OLA1: variants seen among roughly 807,000 people sequenced by gnomAD.
The protein encoded by OLA1 is Obg like ATPase 1.
Under a neutral mutation model 48.4 loss-of-function variants are expected in OLA1, and 14 were observed. That is an observed-to-expected ratio of 0.29 (90% CI 0.19 to 0.45). The LOEUF (loss-of-function observed/expected upper bound fraction) is 0.45. Among genes scored for constraint, OLA1 ranks in the 20% least tolerant of loss-of-function variants. OLA1 has a pLI of 1.00. For synonymous variants in OLA1, 127 were observed against 150.4 expected (o/e 0.84, Z 1.14); for missense variants, 325 against 467.1 (o/e 0.70, Z 2.80).
Position 174,075,393 on chromosome 2 carries a change from A to G in OLA1, c.*33T>C, listed in dbSNP as rs756416702. The stretch of plus-strand genomic sequence containing the variant: ...TTTTTAAAAATCAGATGCCTTTTGG[A>G]AGTTGTATGTTTATCTGAGCAATAA... On this transcript the variant is annotated 3_prime_UTR_variant, in exon 11 of 11. Coordinates refer to ENST00000284719, the MANE Select transcript of OLA1 (RefSeq NM_013341.5). The G allele has an allele frequency of 3.1e-6, 4 of 1,292,588 alleles. No homozygotes were observed. The highest frequency in any genetic ancestry group is 4.4e-6 in the Non-Finnish European group (4 of 903,448). The allele number at this position is 1,292,588 out of a possible 1,614,324, so 80.1% of individuals were successfully genotyped here.
chr2:174,241,266 G>A (rs1309782061), intron 2 of OLA1, among the ~76,000 whole-genome samples: 1 of 152,146 alleles, frequency 6.6e-6, no homozygotes, highest in Non-Finnish European at 1.5e-5. Context: ...CAATGAGACT[G>A]GCAGAAGACC....
In OLA1 at chr2:174,104,352, C is replaced by T. The variant is rs115901316; in HGVS notation, c.728+18828G>A. Among the ~76,000 whole-genome samples the T allele has an allele frequency of 7.6e-3, 1,159 of 152,126 alleles. 17 individuals carry two copies. The highest frequency in any genetic ancestry group is 0.026 in the African/African-American group (1,096 of 41,546). ...CCAAAGAAAGTATAAATGGTAGGCA[C>T]TGCTTAAAATAACATTAAACTTTTC... is the stretch of plus-strand genomic sequence containing the variant. On this transcript the variant is annotated intron_variant, in intron 7 of 10. Coordinates refer to ENST00000284719, the MANE Select transcript of OLA1 (RefSeq NM_013341.5).
intron 4 of OLA1, among the ~76,000 whole-genome samples, chr2:174,200,449 G>A (rs76580470): frequency 6.6e-6 from 1 of 152,036 alleles, no homozygotes; most frequent in Admixed American, 6.5e-5. Context: ...TTGGACACTT[G>A]GCTATTTCCA....
At chr2:174,247,601 T>C in intron 1 of OLA1, 1 of 1,546,278 alleles carries the variant, frequency 6.5e-7, no homozygotes, top group Non-Finnish European at 8.7e-7. Context: ...AAACCATTCC[T>C]CTATAATCTG....
At chr2:174,088,997 T>C (rs937429853) in intron 7 of OLA1, among the ~76,000 whole-genome samples, 1 of 152,228 alleles carries the variant, frequency 6.6e-6, no homozygotes, top group Non-Finnish European at 1.5e-5. Context: ...AATAACATAA[T>C]TGCAACTTTG....
chr2:174,129,444 C>T lies in OLA1; in HGVS notation c.550-5769G>A, dbSNP rs535674276. 6.1e-5 allele frequency among the ~76,000 whole-genome samples: 9 copies of T among 147,202 alleles called. 1 individual carries two copies. The highest frequency in any genetic ancestry group is 2.0e-4 in the East Asian group (1 of 4,992). ...CTGCACTCCAGCCTGGGCAACACAG[C>T]GAGACTCCGTCTCAATAAATAAATA... is the stretch of plus-strand genomic sequence containing the variant. On this transcript the variant is annotated intron_variant, in intron 5 of 10. Transcript: ENST00000284719.
chr2:174,152,663 G>A (rs1209518740), intron 4 of OLA1, among the ~76,000 whole-genome samples: 1 of 152,122 alleles, frequency 6.6e-6, no homozygotes, highest in South Asian at 2.1e-4. Flanking sequence ...AAAATATTTT[G>A]TAAATATATA....
At chr2:174,109,513 G>C (rs1685597070) in intron 7 of OLA1, among the ~76,000 whole-genome samples, 1 of 152,146 alleles carries the variant, frequency 6.6e-6, no homozygotes, top group Non-Finnish European at 1.5e-5. Context: ...ATGTATTCCA[G>C]TAACACTTAA....
chr2:174,100,100 A>C (rs560126330), intron 7 of OLA1, among the ~76,000 whole-genome samples: 2 of 152,366 alleles, frequency 1.3e-5, no homozygotes, highest in South Asian at 4.1e-4. Context: ...AAATAACCAA[A>C]GCAAGAAACA....
At position 174,075,506 on chromosome 2, in the gene OLA1, G is replaced by C. The variant is rs754699962; in HGVS notation, c.1111C>G (p.Gln371Glu). 4 of 1,609,926 alleles carry C rather than the reference G, an allele frequency of 2.5e-6. No homozygotes were observed. Among genetic ancestry groups the C allele is most frequent in the Non-Finnish European group, 3.4e-6 (4 of 1,176,778 alleles). The change falls in exon 11 of 11, where the codon CAA becomes GAA. Residue 371 changes from glutamine to glutamate, a missense_variant. Physicochemically the swap from Gln to Glu is conservative, Grantham distance 29. Coordinates refer to ENST00000284719, the MANE Select transcript of OLA1 (RefSeq NM_013341.5). Reference sequence around the variant, plus strand: ...TCTTCAACAATATAATTTCTGCCTTGTTGTCTGTACTTTCCAGCAGCCTGC... The same window carrying C: ...TCTTCAACAATATAATTTCTGCCTTCTTGTCTGTACTTTCCAGCAGCCTGC... ...AVKAAGKYRQ[Q>E]GRNYIVEDGD...
At chr2:174,223,307 C>T in intron 3 of OLA1, 147 bp from the exon 4 acceptor site, 1 of 729,312 alleles carries the variant, frequency 1.4e-6, no homozygotes, top group East Asian at 2.8e-5. Context: ...CCACCCCTCC[C>T]CCCAAAAAAA....
chr2:174,222,178 C>G (rs1252421696), intron 4 of OLA1, among the ~76,000 whole-genome samples: 1 of 152,136 alleles, frequency 6.6e-6, no homozygotes, highest in Non-Finnish European at 1.5e-5. Flanking sequence ...ATGCAAACCA[C>G]AGAGGTAAAT....
At chr2:174,104,767 AAAT>A (rs560290610) in intron 7 of OLA1, among the ~76,000 whole-genome samples, 1 of 152,046 alleles carries the variant, frequency 6.6e-6, no homozygotes, top group Non-Finnish European at 1.5e-5. Context: ...AATATTTATA[AAAT>A]AATTATGCAA....
chr2:174,232,787 G>A (rs985671895), intron 2 of OLA1, among the ~76,000 whole-genome samples: 9 of 152,172 alleles, frequency 5.9e-5, no homozygotes, highest in African/African-American at 2.2e-4. Flanking sequence ...AGACGCTACG[G>A]AAAACAGTTT....
intron 4 of OLA1, among the ~76,000 whole-genome samples, chr2:174,162,399 G>C (rs183601692): frequency 6.6e-6 from 1 of 152,210 alleles, no homozygotes; most frequent in East Asian, 1.9e-4. Context: ...CCAAATATGT[G>C]GTCCTATGGA....
chr2:174,206,587 C>G (rs181518341), intron 4 of OLA1, among the ~76,000 whole-genome samples: 23 of 146,696 alleles, frequency 1.6e-4, no homozygotes, highest in African/African-American at 5.1e-4. Flanking sequence ...GCCTCAATCA[C>G]CAATCACTTA....
At chr2:174,123,461 C>T (rs10930639) in intron 6 of OLA1, 134 bp downstream of exon 6, 99,340 of 623,822 alleles carry the variant, frequency 0.16, 9,397 homozygotes, top group Non-Finnish European at 0.2. Flanking sequence ...AAATAACAAG[C>T]CCAGGAATAA....
intron 7 of OLA1, among the ~76,000 whole-genome samples, chr2:174,092,555 G>C (rs1351089423): frequency 2.0e-5 from 3 of 152,080 alleles, no homozygotes; most frequent in African/African-American, 7.2e-5. Flanking sequence ...CCAGCTACTA[G>C]GGAGGCTGAG....
chr2:174,247,739 TAAG>T (rs1184067508), intron 1 of OLA1: 1 of 1,551,076 alleles, frequency 6.4e-7, no homozygotes, highest in South Asian at 1.2e-5. Context: ...TCAGTCCTCA[TAAG>T]CAACCTCCAA....
Sources: gnomAD v4.1 joint callset for allele counts (sites outside exome capture counted in the v4.1 genomes callset) on GRCh38, gnomAD v4.1.1 for gene constraint, MANE v1.5 for transcripts, NCBI Gene and HGNC (gene_info 2026-07-23, HGNC 2026-07-21) for gene names.